HBP1: variants seen among roughly 807,000 people sequenced by gnomAD.
The protein encoded by HBP1 is HMG box-containing protein 1.
A neutral mutation model predicts 62.6 loss-of-function variants in HBP1; 20 were observed. The ratio of observed to expected loss-of-function variants is 0.32; its 90% confidence interval spans 0.22 to 0.46. The LOEUF (loss-of-function observed/expected upper bound fraction) is 0.46, where lower values mean the gene tolerates loss of function less well. Among genes scored for constraint, HBP1 ranks in the 20% least tolerant of loss-of-function variants. HBP1 has a pLI of 1.00. For synonymous variants in HBP1, 232 were observed against 206.2 expected (o/e 1.12, Z -1.07); for missense variants, 480 against 611.8 (o/e 0.78, Z 2.27).
At chr7:107,193,711 GATTAGTAAATGT>G (rs761741384) in intron 8 of HBP1, among the ~76,000 whole-genome samples, 1 of 146,934 alleles carries the variant, frequency 6.8e-6, no homozygotes, top group Non-Finnish European at 1.5e-5. Flanking sequence ...GAAGGAAATG[GATTAGTAAATGT>G]ATACAGTAGA....
chr7:107,169,378 C>T (rs1376393920), intron 1 of HBP1, among the ~76,000 whole-genome samples, 193 bp downstream of exon 1: 2 of 143,898 alleles, frequency 1.4e-5, no homozygotes, highest in South Asian at 2.3e-4. Flanking sequence ...GCGAGCTCAC[C>T]TGGGCTTCGG....
At chr7:107,175,963 G>A (rs537359759) in intron 1 of HBP1, among the ~76,000 whole-genome samples, 2 of 151,478 alleles carry the variant, frequency 1.3e-5, no homozygotes, top group Admixed American at 6.6e-5. Context: ...TGATCTGCCC[G>A]CCTCAGCCTT....
chr7:107,169,180 C>G lies in HBP1; in HGVS notation c.-21C>G. Reference sequence around the variant, plus strand: ...CCGCGCCTGGGCTGCCGGCACTTCGCGGCAGGTTTGTTGTCTTTCAGTTAG... The same window carrying G: ...CCGCGCCTGGGCTGCCGGCACTTCGGGGCAGGTTTGTTGTCTTTCAGTTAG... On this transcript the variant is annotated 5_prime_UTR_variant, in exon 1 of 11. Coordinates refer to ENST00000222574, the MANE Select transcript of HBP1 (RefSeq NM_012257.4). 21 of 846,512 alleles carry G rather than the reference C, an allele frequency of 2.5e-5. No homozygotes were observed. The highest frequency in any genetic ancestry group is 3.1e-5 in the South Asian group (1 of 32,708). The allele number at this position is 846,512 out of a possible 1,614,324, so 52.4% of individuals were successfully genotyped here. A position where few individuals can be genotyped will look rare whatever the true frequency, so the allele number is the denominator to read the frequency against.
At chr7:107,199,059 G>A (rs1798069174) in intron 9 of HBP1, among the ~76,000 whole-genome samples, 1 of 151,852 alleles carries the variant, frequency 6.6e-6, no homozygotes, top group South Asian at 2.1e-4. Context: ...AATGGGTTCT[G>A]CAAATGGAAT....
chr7:107,195,586 C>CT (rs1213469858), intron 8 of HBP1, among the ~76,000 whole-genome samples: 1 of 151,994 alleles, frequency 6.6e-6, no homozygotes, highest in Non-Finnish European at 1.5e-5. Context: ...GGTTCAAAGT[C>CT]TTTTTTAAGC....
chr7:107,201,723 A>C lies in HBP1; in HGVS notation c.*292A>C, dbSNP rs1055630710. 3.0e-6 allele frequency: 1 copy of C among 329,644 alleles called. No individual in the cohort carries two copies. The highest frequency in any genetic ancestry group is 4.6e-5 in the Admixed American group (1 of 21,622). The allele number at this position is 329,644 out of a possible 1,614,324, so 20.4% of individuals were successfully genotyped here. A position where few individuals can be genotyped will look rare whatever the true frequency, so the allele number is the denominator to read the frequency against. On this transcript the variant is annotated 3_prime_UTR_variant, in exon 11 of 11. Transcript: ENST00000222574. ...GAAAATTGATATCCTGTGGTGCTAA[A>C]GTACAGTAGAAAGAGAGGAGAAGTG...
intron 1 of HBP1, chr7:107,170,168 C>G: frequency 1.0e-6 from 1 of 980,110 alleles, no homozygotes; most frequent in South Asian, 4.7e-5. Flanking sequence ...GTTTTTGGCT[C>G]ATGGTGCCAC....
Position 107,169,663 on chromosome 7 carries a change from T to A in HBP1, c.-16+478T>A, listed in dbSNP as rs561429060. ...CCGCCTCCTTCTGGACTGAGGGGGA[T>A]TCTGGCTGAGCTGAGGAGCTCGCGG... On this transcript the variant is annotated intron_variant, in intron 1 of 10. Transcript: ENST00000222574. The A allele has an allele frequency of 5.4e-5, 45 of 835,764 alleles. No homozygotes were observed. The East Asian group carries it at 4.8e-3, about 89-fold the overall frequency. The allele number at this position is 835,764 out of a possible 1,614,324, so 51.8% of individuals were successfully genotyped here. A position where few individuals can be genotyped will look rare whatever the true frequency, so the allele number is the denominator to read the frequency against.
rs1258272318 is a variant in HBP1, at chr7:107,182,478, A to T, written c.275A>T (p.Asn92Ile). ...CAAGAATACCCAAGATCATCTTGGAACCAAAATACCTCAGACATACCAGAA... is the reference window on the plus strand; with the variant it reads ...CAAGAATACCCAAGATCATCTTGGATCCAAAATACCTCAGACATACCAGAA... Reference protein sequence around the residue: ...SHQEYPRSSWNQNTSDIPETT... With the variant: ...SHQEYPRSSWIQNTSDIPETT... Residue 92 changes from asparagine (N) to isoleucine (I), a missense_variant, in exon 3 of 11, where the codon AAC becomes ATC. This residue lies in a region of HBP1 where 304 missense variants were observed against 330.9 expected (regional missense o/e 0.92). Coordinates refer to ENST00000222574, the MANE Select transcript of HBP1 (RefSeq NM_012257.4). 1.2e-6 allele frequency: 2 copies of T among 1,611,084 alleles called. No homozygotes were observed. The highest frequency in any genetic ancestry group is 3.3e-5 in the Admixed American group (2 of 60,022).
intron 10 of HBP1, chr7:107,201,030 T>C (rs1798243005): frequency 6.1e-6 from 1 of 163,254 alleles, no homozygotes; most frequent in South Asian, 2.0e-4. Context: ...TTAAATTCAT[T>C]GTGTACATGT....
chr7:107,171,073 A>ATATATATATATATATATATATTTTTT, intron 1 of HBP1, among the ~76,000 whole-genome samples: 1 of 87,200 alleles, frequency 1.1e-5, no homozygotes, highest in African/African-American at 6.6e-5. Context: ...ATATATATAT[A>ATATATATATATATATATATATTTTTT]TTTTTTTTTT....
chr7:107,178,280 G>C (rs574282450), intron 1 of HBP1, among the ~76,000 whole-genome samples: 2 of 152,114 alleles, frequency 1.3e-5, no homozygotes, highest in Admixed American at 6.6e-5. Flanking sequence ...TAAGTAGCTG[G>C]AACTATAGGC....
rs1168167205 is a variant in HBP1 at position 107,182,607 on chromosome 7, A to G, written c.398+6A>G. The G allele has an allele frequency of 4.2e-6, 6 of 1,432,566 alleles. No individual in the cohort carries two copies. The highest frequency in any genetic ancestry group is 5.9e-6 in the Non-Finnish European group (6 of 1,020,326). 88.7% of individuals were successfully genotyped at this position (1,432,566 alleles called of 1,614,324 possible). A position where few individuals can be genotyped will look rare whatever the true frequency, so the allele number is the denominator to read the frequency against. ...CAGTGCTCATTTTACAATAGGTAGG[A>G]GCATTTATTATATTTTTATTGAAAC... On this transcript the variant is annotated splice_donor_region_variant and intron_variant, in intron 3 of 10. Coordinates refer to ENST00000222574, the MANE Select transcript of HBP1 (RefSeq NM_012257.4).
chr7:107,193,423 C>T (rs886328801), intron 8 of HBP1: 2 of 152,158 alleles, frequency 1.3e-5, no homozygotes, highest in African/African-American at 2.4e-5. Context: ...TAGCTACTCA[C>T]CTAAGATACT....
intron 3 of HBP1, among the ~76,000 whole-genome samples, chr7:107,185,255 A>G (rs975965784): frequency 1.3e-5 from 2 of 152,222 alleles, no homozygotes; most frequent in Non-Finnish European, 2.9e-5. Context: ...TTAGAAAACA[A>G]GAAATAGTGT....
At chr7:107,174,700 G>GTGT in intron 1 of HBP1, 1 of 984,918 alleles carries the variant, frequency 1.0e-6, no homozygotes, top group Non-Finnish European at 1.2e-6. Context: ...GGATAGCTCT[G>GTGT]AAGAGAGATA....
At chr7:107,172,990 G>A (rs1230558894) in intron 1 of HBP1, among the ~76,000 whole-genome samples, 1 of 152,172 alleles carries the variant, frequency 6.6e-6, no homozygotes, top group Admixed American at 6.5e-5. Flanking sequence ...TGACCAAAAC[G>A]AATCCACTAA....
intron 6 of HBP1, among the ~76,000 whole-genome samples, chr7:107,187,765 G>T (rs1015858338): frequency 1.3e-5 from 2 of 152,188 alleles, no homozygotes; most frequent in African/African-American, 4.8e-5. Flanking sequence ...TTTGACATCT[G>T]TACAACATTT....
At chr7:107,169,940 C>A (rs1025436348) in intron 1 of HBP1, 15 of 985,556 alleles carry the variant, frequency 1.5e-5, no homozygotes, top group Non-Finnish European at 1.8e-5. Context: ...CGCCTTTCAA[C>A]CTATGCTGCC....
Sources: gnomAD v4.1 joint callset for allele counts (sites outside exome capture counted in the v4.1 genomes callset) on GRCh38, gnomAD v4.1.1 for gene constraint, gnomAD v4.1.1 regional missense constraint, MANE v1.5 for transcripts, NCBI Gene and HGNC (gene_info 2026-07-23, HGNC 2026-07-21) for gene names.